Variants in LAMA2 observed in about 807,000 individuals in gnomAD.
LAMA2 encodes laminin subunit alpha 2.
LAMA2 carries 269 observed loss-of-function variants against 364.8 expected under a neutral mutation model. That is an observed-to-expected ratio of 0.74 (90% CI 0.67 to 0.82). The LOEUF is 0.82. Among genes scored for constraint, LAMA2 ranks in the 40% least tolerant of loss-of-function variants. LAMA2 has a pLI of 0.00. For missense variants in LAMA2, 3,807 were observed against 3,873.2 expected (o/e 0.98, Z 0.45); for synonymous variants, 1,379 against 1,370.6 (o/e 1.01, Z -0.14).
chr6:129,149,017 T>C lies in LAMA2; in HGVS notation c.948T>C (p.Asp316=), dbSNP rs200841688. 19 of 1,613,516 alleles carry C rather than the reference T, an allele frequency of 1.2e-5. No homozygotes were observed. The highest frequency in any genetic ancestry group is 1.5e-5 in the Non-Finnish European group (18 of 1,179,614). Residue 316 remains aspartate (D), a synonymous_variant, in exon 7 of 65, where the codon GAT becomes GAC. Transcript: ENST00000421865. ...RCECEHNTCG[D]SCDQCCPGFH... ...AGTGTGAGCATAACACATGTGGCGA[T>C]AGCTGTGATCAGTGCTGTCCAGGAT...
intron 3 of LAMA2, among the ~76,000 whole-genome samples, chr6:129,095,398 T>G (rs1775112942): frequency 6.6e-6 from 1 of 152,176 alleles, no homozygotes; most frequent in Non-Finnish European, 1.5e-5. Context: ...ATATAAAAAA[T>G]TATTAAATTC....
intron 12 of LAMA2, among the ~76,000 whole-genome samples, chr6:129,233,858 T>C (rs1273247766): frequency 2.0e-5 from 3 of 152,174 alleles, no homozygotes; most frequent in South Asian, 4.1e-4. Flanking sequence ...TCCCCTTCAC[T>C]AAGGGTCTTG....
At chr6:129,428,871 T>A (rs186266958) in intron 41 of LAMA2, among the ~76,000 whole-genome samples, 122 of 152,290 alleles carry the variant, frequency 8.0e-4, no homozygotes, top group Middle Eastern at 3.4e-3. Context: ...ATATGAGCCA[T>A]TACAATTATT....
At chr6:129,402,565 A>G (rs1427293730) in intron 39 of LAMA2, 78 bp downstream of exon 39, 2 of 1,372,810 alleles carry the variant, frequency 1.5e-6, no homozygotes, top group African/African-American at 2.9e-5. Flanking sequence ...ATAGTAGAGA[A>G]TCATTTTCAA....
At chr6:129,358,353 G>A (rs1247339353) in intron 32 of LAMA2, among the ~76,000 whole-genome samples, 3 of 151,960 alleles carry the variant, frequency 2.0e-5, no homozygotes, top group African/African-American at 4.8e-5. Flanking sequence ...TTGAATTATC[G>A]TATAGAGACA....
intron 57 of LAMA2, 57 bp from the exon 58 acceptor site, chr6:129,492,258 A>C: frequency 6.4e-7 from 1 of 1,571,666 alleles, no homozygotes; most frequent in Non-Finnish European, 8.7e-7. Flanking sequence ...ATTGGGCTTA[A>C]TTGTAAGGAA....
At chr6:129,145,051 G>A (rs1303246236) in intron 5 of LAMA2, among the ~76,000 whole-genome samples, 1 of 151,948 alleles carries the variant, frequency 6.6e-6, no homozygotes, top group African/African-American at 2.4e-5. Flanking sequence ...GTAAACTCCT[G>A]TGAATAGAGT....
chr6:129,455,523 C>G (rs1782915282), intron 47 of LAMA2, among the ~76,000 whole-genome samples: 1 of 151,906 alleles, frequency 6.6e-6, no homozygotes, highest in African/African-American at 2.4e-5. Flanking sequence ...ATTGCATCCT[C>G]AAAGAAAAAA....
chr6:128,980,394 C>T (rs912874900), intron 1 of LAMA2, among the ~76,000 whole-genome samples: 1 of 152,144 alleles, frequency 6.6e-6, no homozygotes, highest in Non-Finnish European at 1.5e-5. Flanking sequence ...ATATTGATTA[C>T]TGTTAGCAAA....
At chr6:129,272,580 A>C (rs1320133253) in intron 17 of LAMA2, among the ~76,000 whole-genome samples, 1 of 152,188 alleles carries the variant, frequency 6.6e-6, no homozygotes, top group Non-Finnish European at 1.5e-5. Flanking sequence ...TACACACTGC[A>C]TTTTAAGTGA....
Position 129,148,874 on chromosome 6 carries a change from A to G in LAMA2, c.910-105A>G, listed in dbSNP as rs73773685. On this transcript the variant is annotated intron_variant, in intron 6 of 64. Transcript: ENST00000421865. ...GCTGGCTAGTTTTACATTTTAGTAC[A>G]CAGTCCAGATGTTTTCTCTTTTCTT... 1,025 of 835,970 alleles carry G rather than the reference A, an allele frequency of 1.2e-3. 8 individuals carry two copies. The African/African-American group carries it at 0.015, about 13-fold the overall frequency. 51.8% of individuals were successfully genotyped at this position (835,970 alleles called of 1,614,324 possible).
chr6:129,510,070 G>A (rs1310114314), intron 62 of LAMA2, among the ~76,000 whole-genome samples: 1 of 152,004 alleles, frequency 6.6e-6, no homozygotes, highest in East Asian at 1.9e-4. Flanking sequence ...ACACGACAAG[G>A]ATGCCCACTC....
At chr6:129,063,689 A>G (rs1340995664) in intron 3 of LAMA2, among the ~76,000 whole-genome samples, 3 of 152,130 alleles carry the variant, frequency 2.0e-5, no homozygotes, top group Non-Finnish European at 2.9e-5. Context: ...CGTTTACCAA[A>G]CAAGATTATC....
chr6:129,022,333 C>T (rs1045355544), intron 1 of LAMA2, among the ~76,000 whole-genome samples: 8 of 152,078 alleles, frequency 5.3e-5, no homozygotes, highest in Non-Finnish European at 1.0e-4. Context: ...ATGCTGTTAA[C>T]GTTTTTGCTT....
intron 4 of LAMA2, among the ~76,000 whole-genome samples, chr6:129,139,705 C>T (rs1778004188): frequency 6.6e-6 from 1 of 151,948 alleles, no homozygotes; most frequent in African/African-American, 2.4e-5. Flanking sequence ...CCAAATAATG[C>T]CATATTGAGC....
intron 37 of LAMA2, among the ~76,000 whole-genome samples, chr6:129,394,895 G>T (rs948200215): frequency 2.0e-5 from 3 of 152,104 alleles, no homozygotes; most frequent in Non-Finnish European, 4.4e-5. Context: ...ATTCTGAGTG[G>T]TCCTGTTTGG....
At chr6:129,350,143 A>T (rs1353620877) in intron 31 of LAMA2, among the ~76,000 whole-genome samples, 1 of 152,218 alleles carries the variant, frequency 6.6e-6, no homozygotes, top group African/African-American at 2.4e-5. Context: ...CACTTTTGGT[A>T]TATTTTAGAT....
At chr6:129,153,116 C>CT in intron 7 of LAMA2, among the ~76,000 whole-genome samples, 1 of 152,182 alleles carries the variant, frequency 6.6e-6, no homozygotes, top group East Asian at 1.9e-4. Context: ...TTAGAAGAGT[C>CT]TTACCCAATC....
chr6:129,366,931 T>C (rs550967676), intron 33 of LAMA2, among the ~76,000 whole-genome samples: 3 of 152,338 alleles, frequency 2.0e-5, no homozygotes, highest in South Asian at 2.1e-4. Context: ...GTGCTCAGTC[T>C]GCCATAGGCT....
Sources: gnomAD v4.1 joint callset for allele counts (sites outside exome capture counted in the v4.1 genomes callset) on GRCh38, gnomAD v4.1.1 for gene constraint, MANE v1.5 for transcripts, NCBI Gene and HGNC (gene_info 2026-07-23, HGNC 2026-07-21) for gene names.